Variants in CDKL5 observed in about 807,000 individuals in gnomAD.
CDKL5 encodes cyclin-dependent kinase-like 5.
Under a neutral mutation model 61.7 loss-of-function variants are expected in CDKL5, and 8 were observed. The observed-to-expected ratio is 0.13, with a 90% CI of 0.08 to 0.23. The LOEUF is 0.23. Among genes scored for constraint, CDKL5 ranks in the 10% least tolerant of loss-of-function variants. CDKL5 has a pLI of 1.00. For missense variants in CDKL5, 440 were observed against 734.5 expected (o/e 0.60, Z 4.63); for synonymous variants, 275 against 272.3 (o/e 1.01, Z -0.10).
Position 18,528,066 on chromosome X carries a change from T to C in CDKL5, c.99+17212T>C, listed in dbSNP as rs749799311. On this transcript the variant is annotated intron_variant, in intron 3 of 17. Coordinates refer to ENST00000623535, the MANE Select transcript of CDKL5 (RefSeq NM_001323289.2). ...TGGTATGATAGCATACTTAGTATGA[T>C]AGCTACAAATTTATTAAGGTATATG... Among the ~76,000 whole-genome samples, 7 of 111,279 alleles carry C rather than the reference T, an allele frequency of 6.3e-5. No homozygotes were observed. The South Asian group carries it at 2.6e-3, about 42-fold the overall frequency.
At chrX:18,431,319 G>T (rs1473340091) in intron 1 of CDKL5, among the ~76,000 whole-genome samples, 2 of 112,097 alleles carry the variant, frequency 1.8e-5, no homozygotes, top group Non-Finnish European at 3.8e-5. Context: ...GTTAGAAAGT[G>T]CTGATGAATA....
chrX:18,494,732 A>G (rs1178590994), intron 1 of CDKL5, among the ~76,000 whole-genome samples: 2 of 112,614 alleles, frequency 1.8e-5, no homozygotes, highest in African/African-American at 3.2e-5. Context: ...AGGGAGGCAC[A>G]TAACATATTT....
intron 8 of CDKL5, among the ~76,000 whole-genome samples, chrX:18,585,625 T>C (rs1925619004): frequency 8.9e-6 from 1 of 111,793 alleles, no homozygotes; most frequent in Non-Finnish European, 1.9e-5. Flanking sequence ...TTCTTTTCTT[T>C]TTAGTACATT....
chrX:18,615,231 G>T (rs181174740), intron 15 of CDKL5, among the ~76,000 whole-genome samples: 1 of 111,566 alleles, frequency 9.0e-6, no homozygotes, highest in Non-Finnish European at 1.9e-5. Context: ...CTGCTATGAC[G>T]TATTTCCTTC....
In CDKL5 at chrX:18,645,302, G is replaced by A. The variant is rs137992068; in HGVS notation, c.2714-705G>A. On this transcript the variant is annotated intron_variant, in intron 19 of 21. Coordinates refer to the CDKL5 transcript ENST00000379989. ...CTTTTCCAGACTTATTCCTTGGGTG[G>A]CTCCTGACTTTTCACTTCTATCCCA... Among the ~76,000 whole-genome samples the A allele has an allele frequency of 5.9e-3, 658 of 110,867 alleles. 11 individuals carry two copies. In the East Asian group the frequency reaches 0.064, roughly 11 times the overall value.
At chrX:18,481,506 CCA>C in intron 1 of CDKL5, among the ~76,000 whole-genome samples, 1 of 105,875 alleles carries the variant, frequency 9.4e-6, no homozygotes, top group Non-Finnish European at 1.9e-5. Context: ...GTGCGGGCCA[CCA>C]CACCTGGCTA....
At chrX:18,531,644 T>A (rs1415515563) in intron 3 of CDKL5, among the ~76,000 whole-genome samples, 1 of 111,423 alleles carries the variant, frequency 9.0e-6, no homozygotes, top group Non-Finnish European at 1.9e-5. Flanking sequence ...TGACCTCAAT[T>A]CCGTAAATCC....
chrX:18,556,187 A>C (rs746557113), intron 3 of CDKL5, among the ~76,000 whole-genome samples: 2 of 112,236 alleles, frequency 1.8e-5, no homozygotes, highest in South Asian at 3.7e-4. Context: ...AGGTTTCTAC[A>C]CAGTAAAAAA....
At chrX:18,575,210 A>G (rs1925256142) in intron 4 of CDKL5, 144 bp from the exon 5 acceptor site, 1 of 505,391 alleles carries the variant, frequency 2.0e-6, no homozygotes, top group Non-Finnish European at 3.3e-6. Flanking sequence ...AAAACGTGTT[A>G]TTTAATATTC....
rs745500352 is a variant in CDKL5 at position 18,613,410 on chromosome X, GA to G, written c.2276+139del. 3.4e-4 allele frequency: 191 copies of G among 559,278 alleles called. 1 individual carries two copies. The African/African-American group carries it at 4.2e-3, about 12-fold the overall frequency. 46.1% of individuals were successfully genotyped at this position (559,278 alleles called of 1,213,427 possible). A position where few individuals can be genotyped will look rare whatever the true frequency, so the allele number is the denominator to read the frequency against. On this transcript the variant is annotated intron_variant, in intron 15 of 17. Coordinates refer to ENST00000623535, the MANE Select transcript of CDKL5 (RefSeq NM_001323289.2). ...TTCTCTAGATAAATTATTGAATAAG[GA>G]AAATGTGATTTTTCATTATTGGTAA...
chrX:18,609,594 CA>C (rs1240613822), intron 14 of CDKL5, 24 bp downstream of exon 14: 1 of 1,209,157 alleles, frequency 8.3e-7, no homozygotes, highest in Admixed American at 2.2e-5. Flanking sequence ...CGGCATTCAA[CA>C]GGTTCCCCTC....
Position 18,481,622 on chromosome X carries a change from A to C in CDKL5, c.-162-25313A>C, listed in dbSNP as rs958678879. Among the ~76,000 whole-genome samples, 4 of 104,843 alleles carry C rather than the reference A, an allele frequency of 3.8e-5. No homozygotes were observed. In the South Asian group the frequency reaches 1.3e-3, roughly 34 times the overall value. The allele number at this position is 104,843 out of a possible 115,157, so 91.0% of individuals were successfully genotyped here. A position where few individuals can be genotyped will look rare whatever the true frequency, so the allele number is the denominator to read the frequency against. ...AAGTGATCTGCCCGGCCTGTCTCCC[A>C]AAGTGCTAGGATTACAGACATGAGC... On this transcript the variant is annotated intron_variant, in intron 1 of 17. Transcript: ENST00000623535.
intron 3 of CDKL5, among the ~76,000 whole-genome samples, chrX:18,542,450 T>A (rs902566212): frequency 2.7e-5 from 3 of 111,116 alleles, no homozygotes; most frequent in Non-Finnish European, 5.6e-5. Flanking sequence ...CTTTTCCTGG[T>A]CCTTTAGCTG....
intron 3 of CDKL5, among the ~76,000 whole-genome samples, chrX:18,518,791 C>A (rs1336015363): frequency 9.2e-6 from 1 of 108,648 alleles, no homozygotes; most frequent in Non-Finnish European, 1.9e-5. Context: ...TAGTGTGAAA[C>A]CTTTCCCTTT....
chrX:18,455,736 G>C (rs1034667232), intron 1 of CDKL5, among the ~76,000 whole-genome samples: 1 of 112,752 alleles, frequency 8.9e-6, no homozygotes, highest in African/African-American at 3.2e-5. Context: ...CAATTATCAT[G>C]TAACAGAAGA....
At position 18,639,583 on chromosome X, in the gene CDKL5, G is replaced by A. The variant is rs773297621; in HGVS notation, c.*10826G>A. On this transcript the variant is annotated 3_prime_UTR_variant, in exon 18 of 18. Transcript: ENST00000623535. ...AATGTAAAATGATGCAGCCACTTGGGATAATAGTTCCTCCAAAGATTAAAC... is the reference window on the plus strand; with the variant it reads ...AATGTAAAATGATGCAGCCACTTGGAATAATAGTTCCTCCAAAGATTAAAC... Among the ~76,000 whole-genome samples the A allele has an allele frequency of 8.9e-6, 1 of 112,409 alleles. No homozygotes were observed. The highest frequency in any genetic ancestry group is 1.9e-5 in the Non-Finnish European group (1 of 53,289).
chrX:18,440,548 A>G (rs750292130), intron 1 of CDKL5, among the ~76,000 whole-genome samples: 2 of 111,439 alleles, frequency 1.8e-5, no homozygotes, highest in African/African-American at 3.3e-5. Flanking sequence ...ATCTTGGCTC[A>G]CTGCAACCTC....
chrX:18,568,603 G>T (rs942316634), intron 4 of CDKL5, among the ~76,000 whole-genome samples: 1 of 112,141 alleles, frequency 8.9e-6, no homozygotes, highest in Non-Finnish European at 1.9e-5. Flanking sequence ...AGCTTCTATA[G>T]TAAAGAGGGT....
chrX:18,511,696 A>AT (rs1236114468), intron 3 of CDKL5, among the ~76,000 whole-genome samples: 2 of 111,343 alleles, frequency 1.8e-5, no homozygotes, highest in Non-Finnish European at 3.8e-5. Flanking sequence ...CTAATGACAT[A>AT]TTTTTCAGAA....
Sources: allele counts gnomAD v4.1 joint callset (sites outside exome capture counted in the v4.1 genomes callset), GRCh38; gene constraint gnomAD v4.1.1; transcripts MANE v1.5; gene names NCBI Gene and HGNC (gene_info 2026-07-23, HGNC 2026-07-21).